SCP2: variants seen among roughly 807,000 people sequenced by gnomAD.
The protein encoded by SCP2 is sterol carrier protein 2.
In SCP2, 48 loss-of-function variants were observed where a neutral mutation model predicts 71.4. The observed-to-expected ratio is 0.67, with a 90% CI of 0.53 to 0.86. SCP2 has a LOEUF of 0.86. Among genes scored for constraint, SCP2 ranks in the 40% least tolerant of loss-of-function variants. The pLI is 0.00. For synonymous variants in SCP2, 220 were observed against 218.1 expected (o/e 1.01, Z -0.08); for missense variants, 560 against 655.6 (o/e 0.85, Z 1.59).
chr1:53,043,784 C>G (rs769799682), intron 14 of SCP2, among the ~76,000 whole-genome samples: 1 of 152,300 alleles, frequency 6.6e-6, no homozygotes, highest in East Asian at 1.9e-4. Context: ...CCAGGTCCAA[C>G]TATCTCAGTT....
chr1:52,952,527 T>C (rs1211569560), intron 4 of SCP2, among the ~76,000 whole-genome samples: 1 of 152,210 alleles, frequency 6.6e-6, no homozygotes, highest in Non-Finnish European at 1.5e-5. Flanking sequence ...TCTACCTGTT[T>C]ATCAGTTGAT....
In SCP2 at chr1:52,954,290, G is replaced by A. The variant is rs758109549; in HGVS notation, c.332-450G>A. On this transcript the variant is annotated intron_variant, in intron 4 of 15. Transcript: ENST00000371514. ...GAGCCTGCCACTATACTCCAATCTC[G>A]GTGACAGACTGAAACTTTGTGTCAA... Among the ~76,000 whole-genome samples, 14 of 150,994 alleles carry A rather than the reference G, an allele frequency of 9.3e-5. No individual in the cohort carries two copies. In the East Asian group the frequency reaches 2.5e-3, roughly 27 times the overall value.
At chr1:53,042,008 G>A (rs1026842275) in intron 14 of SCP2, among the ~76,000 whole-genome samples, 2 of 152,168 alleles carry the variant, frequency 1.3e-5, no homozygotes, top group African/African-American at 2.4e-5. Flanking sequence ...GGTTGAATAA[G>A]GGATTGATGA....
intron 12 of SCP2, among the ~76,000 whole-genome samples, chr1:53,020,694 C>T (rs145215359): frequency 9.9e-4 from 150 of 152,258 alleles, no homozygotes; most frequent in Non-Finnish European, 1.1e-3. Context: ...ACATATCCAA[C>T]TCATTGAAGC....
chr1:53,012,952 C>T (rs193073918), intron 11 of SCP2, among the ~76,000 whole-genome samples: 1 of 152,128 alleles, frequency 6.6e-6, no homozygotes, highest in East Asian at 1.9e-4. Context: ...TATTTTTTGT[C>T]TTTTTTGTCT....
chr1:52,966,117 A>T (rs1184281368), intron 6 of SCP2, among the ~76,000 whole-genome samples: 3 of 152,288 alleles, frequency 2.0e-5, no homozygotes, highest in East Asian at 3.9e-4. Flanking sequence ...GTAATATTTG[A>T]ACTGACTTAT....
chr1:53,045,969 T>G (rs890122791), intron 14 of SCP2, among the ~76,000 whole-genome samples: 1 of 152,234 alleles, frequency 6.6e-6, no homozygotes, highest in Non-Finnish European at 1.5e-5. Flanking sequence ...TTGAGCCTCC[T>G]TCTTTCACTG....
At chr1:53,006,018 A>C (rs369113538) in intron 11 of SCP2, among the ~76,000 whole-genome samples, 3 of 152,330 alleles carry the variant, frequency 2.0e-5, no homozygotes, top group Admixed American at 6.5e-5. Context: ...CAAGTGGAAG[A>C]AAGGGTATCA....
rs377136053 is a variant in SCP2 at position 52,948,018 on chromosome 1, C to T, written c.137C>T (p.Ala46Val). 6.8e-6 allele frequency: 11 copies of T among 1,611,858 alleles called. No homozygotes were observed. In the African/African-American group the frequency reaches 1.5e-4, roughly 22 times the overall value. The change falls in exon 3 of 16, where the codon GCT (alanine) becomes GTT (valine). Residue 46 changes from alanine (A) to valine (V), a missense_variant. Transcript: ENST00000371514. ...PDLAEEAGKKALADAQIPYSA... is the reference protein window; with the variant it reads ...PDLAEEAGKKVLADAQIPYSA... ...CCTTTCGTTTTTATAGGCAAGAAGG[C>T]TTTAGCTGATGCACAGATCCCTTAT...
chr1:53,004,035 GCAGTACCCATCA>G (rs955221056), intron 11 of SCP2, among the ~76,000 whole-genome samples: 2 of 152,116 alleles, frequency 1.3e-5, no homozygotes, highest in African/African-American at 4.8e-5. Flanking sequence ...TTGAACACGA[GCAGTACCCATCA>G]CAGTACCCAT....
At chr1:53,037,275 T>G (rs1219700457) in intron 13 of SCP2, among the ~76,000 whole-genome samples, 1 of 152,248 alleles carries the variant, frequency 6.6e-6, no homozygotes, top group Non-Finnish European at 1.5e-5. Context: ...AGGTTGCTCT[T>G]GTTTCTTTTA....
At chr1:52,976,603 T>G in intron 7 of SCP2, 80 bp from the exon 8 acceptor site, 1 of 792,504 alleles carries the variant, frequency 1.3e-6, no homozygotes. Flanking sequence ...AATATTTACA[T>G]ATTATTCTGT....
At chr1:53,014,844 A>G (rs777142775) in intron 11 of SCP2, 46 bp from the exon 12 acceptor site, 1 of 1,607,846 alleles carries the variant, frequency 6.2e-7, no homozygotes, top group East Asian at 2.2e-5. Context: ...TTCTGGCTTG[A>G]GAAAGCTGGT....
intron 12 of SCP2, among the ~76,000 whole-genome samples, chr1:53,024,401 T>TTAAA (rs1410406977): frequency 6.6e-6 from 1 of 152,070 alleles, no homozygotes; most frequent in African/African-American, 2.4e-5. Context: ...TTGCACAACA[T>TTAAA]TATGACTGTA....
At chr1:53,037,904 A>ACACACACACACACC (rs1553155261) in intron 13 of SCP2, among the ~76,000 whole-genome samples, 3 of 127,312 alleles carry the variant, frequency 2.4e-5, no homozygotes, top group African/African-American at 9.9e-5. Context: ...ACACACACAC[A>ACACACACACACACC]CACACACACA....
In SCP2 at chr1:53,014,971, T is replaced by G; in HGVS notation, c.1163T>G (p.Leu388Arg). Residue 388 changes from leucine to arginine, a missense_variant, in exon 12 of 16, where the codon CTG becomes CGG. Around this residue, in one of 3 missense-constraint regions of SCP2, gnomAD observed 513 missense variants for 573.1 expected, o/e 0.90. Coordinates refer to ENST00000371514, the MANE Select transcript of SCP2 (RefSeq NM_002979.5). ...CAAGTTCCTGGTGCAAAGGTGGCTC[T>G]GCAGCATAATTTAGGCATTGGAGGA... ...KRQVPGAKVA[L>R]QHNLGIGGAV... The G allele has an allele frequency of 6.2e-7, 1 of 1,614,136 alleles. No homozygotes were observed. Among genetic ancestry groups the G allele is most frequent in the East Asian group, 2.2e-5 (1 of 44,890 alleles).
chr1:53,051,041 T>C lies in SCP2; in HGVS notation c.*337T>C. ...AAGCTTTTGTTTTGCTTACAAAGTA[T>C]ATTTAAGGATTATTCTGCTGAAGAT... On this transcript the variant is annotated 3_prime_UTR_variant, in exon 16 of 16. Transcript: ENST00000371514. The C allele has an allele frequency of 5.1e-6, 1 of 194,466 alleles. No individual in the cohort carries two copies. The highest frequency in any genetic ancestry group is 1.1e-5 in the Non-Finnish European group (1 of 93,172). 12.0% of individuals were successfully genotyped at this position (194,466 alleles called of 1,614,324 possible).
chr1:52,936,022 A>G (rs916917375), intron 1 of SCP2, among the ~76,000 whole-genome samples: 2 of 152,232 alleles, frequency 1.3e-5, no homozygotes, highest in Admixed American at 1.3e-4. Flanking sequence ...TGTACTTCAT[A>G]GACTTCAACT....
At chr1:53,027,225 T>C (rs1557619256) in intron 12 of SCP2, among the ~76,000 whole-genome samples, 1 of 152,136 alleles carries the variant, frequency 6.6e-6, no homozygotes, top group Non-Finnish European at 1.5e-5. Context: ...AGGCCAATTT[T>C]TGTGTTTTTT....
Sources: gnomAD v4.1 joint callset for allele counts (sites outside exome capture counted in the v4.1 genomes callset) on GRCh38, gnomAD v4.1.1 for gene constraint, gnomAD v4.1.1 regional missense constraint, MANE v1.5 for transcripts, NCBI Gene and HGNC (gene_info 2026-07-23, HGNC 2026-07-21) for gene names.